The following ZNF609 variants were observed in gnomAD, a reference collection of about 807,000 sequenced individuals.
ZNF609 encodes the protein zinc finger protein 609.
Under a neutral mutation model 109.5 loss-of-function variants are expected in ZNF609, and 11 were observed. The ratio of observed to expected loss-of-function variants is 0.10; its 90% CI spans 0.06 to 0.17. ZNF609 has a LOEUF of 0.17. Ranked by LOEUF, ZNF609 falls within the 10% of genes least tolerant of loss-of-function variation. The probability of loss-of-function intolerance (pLI) is 1.00; values close to 1 mark genes in which losing one functional copy is unlikely to be tolerated. For missense variants in ZNF609, 1,559 were observed against 1,772.4 expected (o/e 0.88, Z 2.16); for synonymous variants, 646 against 662.0 (o/e 0.98, Z 0.37).
chr15:64,479,380 C>T (rs1352112216), intron 1 of ZNF609, among the ~76,000 whole-genome samples: 2 of 142,248 alleles, frequency 1.4e-5, no homozygotes, highest in Non-Finnish European at 3.0e-5. Flanking sequence ...CAAGCTCTGC[C>T]TCCCGGATTC....
At chr15:64,554,312 C>G (rs1212247197) in intron 2 of ZNF609, among the ~76,000 whole-genome samples, 1 of 152,092 alleles carries the variant, frequency 6.6e-6, no homozygotes, top group Non-Finnish European at 1.5e-5. Flanking sequence ...AATGCTCTTT[C>G]TGGGTTATCC....
intron 1 of ZNF609, among the ~76,000 whole-genome samples, chr15:64,494,947 G>A (rs1893461627): frequency 6.6e-6 from 1 of 152,122 alleles, no homozygotes; most frequent in African/African-American, 2.4e-5. Context: ...ACCATACTGT[G>A]CTCTGTAGTA....
chr15:64,599,946 G>A (rs1281955871), intron 2 of ZNF609, among the ~76,000 whole-genome samples: 1 of 152,068 alleles, frequency 6.6e-6, no homozygotes, highest in Non-Finnish European at 1.5e-5. Context: ...ATTCCCTCTG[G>A]CAGTTATTCC....
chr15:64,560,634 G>C (rs180957024), intron 2 of ZNF609, among the ~76,000 whole-genome samples: 1 of 152,144 alleles, frequency 6.6e-6, no homozygotes, highest in Non-Finnish European at 1.5e-5. Context: ...AAGAGGAAAA[G>C]AACAGAGATG....
chr15:64,499,275 T>C lies in ZNF609; in HGVS notation c.-127-18T>C, dbSNP rs889098160. On this transcript the variant is annotated intron_variant, in intron 1 of 9. Coordinates refer to ENST00000326648, the MANE Select transcript of ZNF609 (RefSeq NM_015042.2). ...TGTATTGTTTCTTTTAACAGCTTTT[T>C]AAATTTTCTTTTTCCAGCAATGATG... 6 of 1,127,354 alleles carry C rather than the reference T, an allele frequency of 5.3e-6. No individual in the cohort carries two copies. The highest frequency in any genetic ancestry group is 7.4e-6 in the Non-Finnish European group (6 of 811,456). The allele number at this position is 1,127,354 out of a possible 1,614,324, so 69.8% of individuals were successfully genotyped here. A position where few individuals can be genotyped will look rare whatever the true frequency, so the allele number is the denominator to read the frequency against.
intron 1 of ZNF609, among the ~76,000 whole-genome samples, chr15:64,471,741 G>GC (rs1453630989): frequency 1.3e-5 from 2 of 151,832 alleles, no homozygotes; most frequent in African/African-American, 4.8e-5. Context: ...GCGGCACCAC[G>GC]CCTGGCTAAT....
chr15:64,637,694 G>A (rs1045115047), intron 3 of ZNF609, among the ~76,000 whole-genome samples: 2 of 151,854 alleles, frequency 1.3e-5, no homozygotes, highest in Non-Finnish European at 1.5e-5. Flanking sequence ...TTTACGAAGT[G>A]TCTGTTCAAG....
At chr15:64,479,224 G>A (rs1893213873) in intron 1 of ZNF609, among the ~76,000 whole-genome samples, 4 of 149,184 alleles carry the variant, frequency 2.7e-5, no homozygotes, top group Admixed American at 2.7e-4. Context: ...TTGGGTAGGT[G>A]ACATAATGGT....
Position 64,499,668 on chromosome 15 carries a change from G to A in ZNF609, c.249G>A (p.Gly83=), listed in dbSNP as rs1461546717. The change falls in exon 2 of 10, where the codon GGG becomes GGA. Residue 83 remains glycine, a synonymous_variant. Coordinates refer to ENST00000326648, the MANE Select transcript of ZNF609 (RefSeq NM_015042.2). ...KFVTPVPGPQ[G]KEGKSKSKRS... The stretch of plus-strand genomic sequence containing the variant: ...TGACCCCAGTGCCAGGTCCTCAAGG[G>A]AAGGAAGGCAAATCAAAATCCAAAA... 6.2e-7 allele frequency: 1 copy of A among 1,614,164 alleles called. No homozygotes were observed. Among genetic ancestry groups the A allele is most frequent in the Non-Finnish European group, 8.5e-7 (1 of 1,180,046 alleles).
At chr15:64,596,759 A>G (rs1415870770) in intron 2 of ZNF609, among the ~76,000 whole-genome samples, 2 of 152,180 alleles carry the variant, frequency 1.3e-5, no homozygotes, top group African/African-American at 4.8e-5. Flanking sequence ...GAAGTACTCA[A>G]TAATTATTTG....
At chr15:64,599,665 A>C (rs544312949) in intron 2 of ZNF609, among the ~76,000 whole-genome samples, 8 of 152,096 alleles carry the variant, frequency 5.3e-5, no homozygotes, top group South Asian at 2.1e-4. Flanking sequence ...TCCTTCTATT[A>C]ATTTTACCTT....
intron 2 of ZNF609, among the ~76,000 whole-genome samples, chr15:64,555,886 C>CAAAAAAAAAAAAAAAAAA (rs963732035): frequency 5.1e-5 from 2 of 38,936 alleles, no homozygotes; most frequent in Non-Finnish European, 1.0e-4. Context: ...GACTCTGTCT[C>CAAAAAAAAAAAAAAAAAA]AAAAAAAAAA....
chr15:64,642,404 C>T (rs1658123196), intron 3 of ZNF609, among the ~76,000 whole-genome samples: 1 of 152,026 alleles, frequency 6.6e-6, no homozygotes, highest in Non-Finnish European at 1.5e-5. Context: ...AGACTGGTTT[C>T]AAGCTCCTGT....
intron 1 of ZNF609, among the ~76,000 whole-genome samples, chr15:64,469,811 C>T (rs577245268): frequency 1.3e-5 from 2 of 152,158 alleles, no homozygotes; most frequent in East Asian, 1.9e-4. Flanking sequence ...GGTGGATCAG[C>T]TTGAGGTCAG....
chr15:64,679,409 T>A (rs748695486), intron 6 of ZNF609, among the ~76,000 whole-genome samples: 34 of 152,308 alleles, frequency 2.2e-4, no homozygotes, highest in East Asian at 5.8e-4. Context: ...ATGCTCTTAT[T>A]TAACTCTACT....
At chr15:64,521,308 G>GCT (rs1737220698) in intron 2 of ZNF609, among the ~76,000 whole-genome samples, 1 of 152,224 alleles carries the variant, frequency 6.6e-6, no homozygotes, top group Admixed American at 6.5e-5. Context: ...TCTCATCCTG[G>GCT]CTCCAGAGTT....
intron 2 of ZNF609, among the ~76,000 whole-genome samples, chr15:64,591,608 G>A (rs903755870): frequency 6.6e-6 from 1 of 151,726 alleles, no homozygotes; most frequent in Non-Finnish European, 1.5e-5. Context: ...GCCAGGCATG[G>A]TGGCTCATGC....
chr15:64,637,591 G>A (rs1190492192), intron 3 of ZNF609, among the ~76,000 whole-genome samples: 5 of 152,106 alleles, frequency 3.3e-5, no homozygotes, highest in Admixed American at 6.6e-5. Flanking sequence ...GTGGTGTGTA[G>A]TGGTATCTCA....
At chr15:64,495,054 A>G (rs1893463716) in intron 1 of ZNF609, among the ~76,000 whole-genome samples, 1 of 152,202 alleles carries the variant, frequency 6.6e-6, no homozygotes, top group South Asian at 2.1e-4. Context: ...ACCGTTTCAG[A>G]AAAAGTACAA....
Sources: allele counts gnomAD v4.1 joint callset (sites outside exome capture counted in the v4.1 genomes callset), GRCh38; gene constraint gnomAD v4.1.1; transcripts MANE v1.5; gene names NCBI Gene and HGNC (gene_info 2026-07-23, HGNC 2026-07-21).